NELFCD: variants seen among roughly 807,000 people sequenced by gnomAD.
The protein encoded by NELFCD is negative elongation factor C/D.
A neutral mutation model predicts 72.9 loss-of-function variants in NELFCD; 48 were observed. That is an observed-to-expected ratio of 0.66 (90% CI 0.52 to 0.84). The LOEUF (loss-of-function observed/expected upper bound fraction) is 0.84, where lower values mean the gene tolerates loss of function less well. NELFCD is among the 40% of genes least tolerant of loss of function. The pLI, the probability that NELFCD is intolerant of heterozygous loss-of-function variation, is 0.00. For synonymous variants in NELFCD, 297 were observed against 280.6 expected, an observed-to-expected ratio of 1.06 and a Z score of -0.59; for missense variants, 538 against 723.8, an observed-to-expected ratio of 0.74 and a Z score of 2.94.
chr20:58,981,860 C>A (rs973043941), intron 1 of NELFCD, among the ~76,000 whole-genome samples: 3 of 152,232 alleles, frequency 2.0e-5, no homozygotes, highest in African/African-American at 7.2e-5. Flanking sequence ...AAACTGTACT[C>A]TTCAGCACCT....
At chr20:58,982,843 CTG>C (rs1569055703) in intron 1 of NELFCD, among the ~76,000 whole-genome samples, 1 of 152,194 alleles carries the variant, frequency 6.6e-6, no homozygotes, top group Non-Finnish European at 1.5e-5. Flanking sequence ...ACTTAGCTAA[CTG>C]AGAGCTTGGG....
At position 58,993,660 on chromosome 20, in the gene NELFCD, C is replaced by T; in HGVS notation, c.1477C>T (p.His493Tyr). The T allele has an allele frequency of 6.2e-7, 1 of 1,614,232 alleles. No individual in the cohort carries two copies. The highest frequency in any genetic ancestry group is 8.5e-7 in the Non-Finnish European group (1 of 1,180,040). The change falls in exon 13 of 15, where the codon CAC (histidine) becomes TAC (tyrosine). Residue 493 changes from histidine to tyrosine, a missense_variant. His to Tyr is a moderately conservative substitution (Grantham distance 83). Coordinates refer to ENST00000652272, the MANE Select transcript of NELFCD (RefSeq NM_198976.4). The surrounding 1 kb of genome is among the most constrained non-coding windows in gnomAD (Gnocchi z 5.0). ...LKKTLLDRMV[H>Y]LLSRGYVLPV... ...GAAGACACTGCTGGACAGGATGGTTCACCTGCTGAGTCGAGGTTATGTACT... is the reference window on the plus strand; with the variant it reads ...GAAGACACTGCTGGACAGGATGGTTTACCTGCTGAGTCGAGGTTATGTACT...
At chr20:58,981,467 C>A in intron 1 of NELFCD, 98 bp downstream of exon 1, 1 of 390,236 alleles carries the variant, frequency 2.6e-6, no homozygotes, top group Non-Finnish European at 3.6e-6. Context: ...CGCGAGGCTG[C>A]GGGCGTGCGG....
At chr20:58,994,074 T>C in intron 13 of NELFCD, 36 bp from the exon 14 acceptor site, 2 of 1,608,038 alleles carry the variant, frequency 1.2e-6, no homozygotes, top group Non-Finnish European at 1.7e-6. Flanking sequence ...CCCGCACTAG[T>C]GTGCGGAAGA....
At chr20:58,984,997 A>T (rs529551533) in intron 1 of NELFCD, among the ~76,000 whole-genome samples, 1 of 152,238 alleles carries the variant, frequency 6.6e-6, no homozygotes, top group Non-Finnish European at 1.5e-5. Context: ...GTCTGCTCCC[A>T]AAGCACTGCT....
Position 58,994,183 on chromosome 20 carries a change from G to A in NELFCD, c.1655G>A (p.Ser552Asn), listed in dbSNP as rs1312872154. The A allele has an allele frequency of 5.0e-6, 8 of 1,614,092 alleles. No individual in the cohort carries two copies. Among genetic ancestry groups the A allele is most frequent in the East Asian group, 2.2e-5 (1 of 44,898 alleles). Reference protein sequence around the residue: ...QLFLPILENDSIAGTIKTEGE... With the variant: ...QLFLPILENDNIAGTIKTEGE... ...TTCCTCCCCATCCTGGAGAATGACA[G>A]CATCGCAGGTACCATCAAAACGGAA... is the stretch of plus-strand genomic sequence containing the variant. Residue 552 changes from serine to asparagine, a missense_variant, in exon 14 of 15, where the codon AGC becomes AAC. Physicochemically the swap from Ser to Asn is conservative, Grantham distance 46. Around this residue, in one of 3 missense-constraint regions of NELFCD, gnomAD observed 136 missense variants for 154.0 expected, o/e 0.88. Coordinates refer to ENST00000652272, the MANE Select transcript of NELFCD (RefSeq NM_198976.4).
intron 3 of NELFCD, 197 bp from the exon 4 acceptor site, chr20:58,987,511 G>C: frequency 1.7e-6 from 1 of 578,856 alleles, no homozygotes; most frequent in Non-Finnish European, 3.1e-6. Context: ...GACCAGACTT[G>C]TGTGTTCTGT....
chr20:58,991,582 C>T (rs149265), intron 9 of NELFCD, 136 bp downstream of exon 9: 657,140 of 1,038,156 alleles, frequency 0.63, 209,894 homozygotes, highest in East Asian at 0.8. Flanking sequence ...TGTGTTTCTG[C>T]GTAGAGAAAG....
In NELFCD at chr20:58,994,738, C is replaced by A; in HGVS notation, c.*62C>A. The A allele has an allele frequency of 7.0e-7, 1 of 1,431,118 alleles. No homozygotes were observed. 88.7% of individuals were successfully genotyped at this position (1,431,118 alleles called of 1,614,324 possible). A position where few individuals can be genotyped will look rare whatever the true frequency, so the allele number is the denominator to read the frequency against. Reference sequence around the variant, plus strand: ...AGAACCCGTTGTGGAAAAACCCTTTCAAGAAGCTGTTTTAAGAGGCTCGGG... The same window carrying A: ...AGAACCCGTTGTGGAAAAACCCTTTAAAGAAGCTGTTTTAAGAGGCTCGGG... On this transcript the variant is annotated 3_prime_UTR_variant, in exon 15 of 15. Coordinates refer to ENST00000652272, the MANE Select transcript of NELFCD (RefSeq NM_198976.4).
At chr20:58,984,089 ATGT>A (rs2091755681) in intron 1 of NELFCD, among the ~76,000 whole-genome samples, 1 of 152,150 alleles carries the variant, frequency 6.6e-6, no homozygotes, top group South Asian at 2.1e-4. Flanking sequence ...GCCTGATGCC[ATGT>A]TACATAGTGG....
In NELFCD at chr20:58,986,413, C is replaced by T. The variant is rs2091773042; in HGVS notation, c.176+205C>T. On this transcript the variant is annotated intron_variant, in intron 2 of 14. Coordinates refer to ENST00000652272, the MANE Select transcript of NELFCD (RefSeq NM_198976.4). The surrounding 1 kb of genome is among the most constrained non-coding windows in gnomAD (Gnocchi z 4.4). ...CTCTGTTGCAGTGGCACAATCACCG[C>T]TCACTGCAGCTTCAGCCTCCTGGAA... The T allele has an allele frequency of 1.8e-6, 1 of 565,506 alleles. No homozygotes were observed. Among genetic ancestry groups the T allele is most frequent in the African/African-American group, 1.9e-5 (1 of 52,666 alleles). 35.0% of individuals were successfully genotyped at this position (565,506 alleles called of 1,614,324 possible).
rs140598361 is a variant in NELFCD at position 58,993,696 on chromosome 20, A to G, written c.1513A>G (p.Ser505Gly). ...TCGAGGTTATGTACTTCCTGTTGTCAGTTACATCCGAAAGTGTCTGGAGAA... is the reference window on the plus strand; with the variant it reads ...TCGAGGTTATGTACTTCCTGTTGTCGGTTACATCCGAAAGTGTCTGGAGAA... Reference protein sequence around the residue: ...LSRGYVLPVVSYIRKCLEKLD... With the variant: ...LSRGYVLPVVGYIRKCLEKLD... Residue 505 changes from serine (S) to glycine (G), a missense_variant, in exon 13 of 15, where the codon AGT becomes GGT. Coordinates refer to ENST00000652272, the MANE Select transcript of NELFCD (RefSeq NM_198976.4). This position sits in a 1 kb window ranked among gnomAD's most constrained non-coding sequence, Gnocchi z 5.0. 9 of 1,614,218 alleles carry G rather than the reference A, an allele frequency of 5.6e-6. No individual in the cohort carries two copies. The highest frequency in any genetic ancestry group is 7.6e-6 in the Non-Finnish European group (9 of 1,180,040).
Position 58,990,918 on chromosome 20 carries a change from A to G in NELFCD, c.797A>G (p.Asp266Gly), listed in dbSNP as rs199670127. Residue 266 changes from aspartate (D) to glycine (G), a missense_variant, in exon 8 of 15, where the codon GAC becomes GGC. By Grantham distance (94) the Asp-to-Gly change is moderately conservative. Coordinates refer to ENST00000652272, the MANE Select transcript of NELFCD (RefSeq NM_198976.4). ...TGGTTTTTCTCATCAAGAGGTCATG[A>G]CGCCAGTCAGATCACACTAGCCTTG... ...VQRFAQEKGH[D>G]ASQITLALGT... The G allele has an allele frequency of 4.0e-5, 64 of 1,613,598 alleles. No individual in the cohort carries two copies. Among genetic ancestry groups the G allele is most frequent in the Non-Finnish European group, 8.5e-6 (10 of 1,179,836 alleles).
rs756631688 is a variant in NELFCD, at chr20:58,992,032, G to A, written c.1229+12G>A. The A allele has an allele frequency of 2.5e-5, 40 of 1,600,314 alleles. 1 individual carries two copies. Among genetic ancestry groups the A allele is most frequent in the South Asian group, 9.0e-5 (8 of 89,178 alleles). ...TATCAGTGTATTAGGTAAGCAAAAC[G>A]AAACTCAGTTCTTAAATCAGTCCTT... On this transcript the variant is annotated intron_variant, in intron 10 of 14. Coordinates refer to ENST00000652272, the MANE Select transcript of NELFCD (RefSeq NM_198976.4).
chr20:58,986,614 A>G lies in NELFCD; in HGVS notation c.177-140A>G. ...CACCTCTGCCTCCCAAAGTGCTGGG[A>G]TTACAGGTGTGCACCACTGCACCCA... On this transcript the variant is annotated intron_variant, in intron 2 of 14. Coordinates refer to ENST00000652272, the MANE Select transcript of NELFCD (RefSeq NM_198976.4). This position sits in a 1 kb window ranked among gnomAD's most constrained non-coding sequence, Gnocchi z 4.4. 1.4e-6 allele frequency: 1 copy of G among 736,474 alleles called. No homozygotes were observed. The highest frequency in any genetic ancestry group is 1.4e-5 in the South Asian group (1 of 69,348). 45.6% of individuals were successfully genotyped at this position (736,474 alleles called of 1,614,324 possible). A position where few individuals can be genotyped will look rare whatever the true frequency, so the allele number is the denominator to read the frequency against.
chr20:58,987,879 T>A, intron 4 of NELFCD, 62 bp downstream of exon 4: 1 of 1,244,612 alleles, frequency 8.0e-7, no homozygotes, highest in Non-Finnish European at 1.2e-6. Flanking sequence ...ATTCCCTGTG[T>A]ACAGTGGAGC....
chr20:58,990,036 C>G, intron 7 of NELFCD, 48 bp downstream of exon 7: 3 of 1,595,458 alleles, frequency 1.9e-6, no homozygotes, highest in Non-Finnish European at 2.6e-6. Flanking sequence ...GTGCTCCCCA[C>G]AAAACCCTTC....
chr20:58,983,092 T>C (rs968035095), intron 1 of NELFCD, among the ~76,000 whole-genome samples: 4 of 151,462 alleles, frequency 2.6e-5, no homozygotes, highest in African/African-American at 4.9e-5. Context: ...AGCTTAGTGG[T>C]AGGTTGGTGT....
At chr20:58,981,537 C>A (rs893621844) in intron 1 of NELFCD, among the ~76,000 whole-genome samples, 168 bp downstream of exon 1, 18 of 148,028 alleles carry the variant, frequency 1.2e-4, no homozygotes, top group African/African-American at 4.4e-4. Flanking sequence ...GCCCGCCCCG[C>A]CCCCGCCCGC....
Sources: allele counts gnomAD v4.1 joint callset (sites outside exome capture counted in the v4.1 genomes callset), GRCh38; gene constraint gnomAD v4.1.1; regional missense constraint gnomAD v4.1.1; non-coding constraint Gnocchi (gnomAD v3.1); transcripts MANE v1.5; gene names NCBI Gene and HGNC (gene_info 2026-07-23, HGNC 2026-07-21).